SERPINB12: variants seen among roughly 807,000 people sequenced by gnomAD.
SERPINB12 encodes the protein serpin B12.
Under a neutral mutation model 41.1 loss-of-function variants are expected in SERPINB12, and 57 were observed. The ratio of observed to expected loss-of-function variants is 1.39; its 90% CI spans 1.12 to 1.73. SERPINB12 has a LOEUF of 1.73. Ranked by LOEUF, SERPINB12 falls within the 40% of genes most tolerant of loss-of-function variation. SERPINB12 has a pLI of 0.00. For missense variants in SERPINB12, 536 were observed against 501.9 expected (o/e 1.07, Z -0.65); for synonymous variants, 180 against 181.3 (o/e 0.99, Z 0.06).
At chr18:63,551,428 C>T (rs1404919931) in intron 1 of SERPINB12, among the ~76,000 whole-genome samples, 2 of 152,036 alleles carry the variant, frequency 1.3e-5, no homozygotes, top group African/African-American at 4.8e-5. Context: ...CAGGTTCAAG[C>T]GATTCTCCTG....
intron 2 of SERPINB12, 76 bp downstream of exon 2, chr18:63,556,403 A>C (rs915581417): frequency 7.1e-7 from 1 of 1,401,246 alleles, no homozygotes; most frequent in Admixed American, 2.1e-5. Context: ...AATCCCACTT[A>C]GGCAAGCCAA....
chr18:63,538,589 C>T (rs1163063992), upstream of SERPINB12, among the ~76,000 whole-genome samples: 1 of 152,110 alleles, frequency 6.6e-6, no homozygotes. Flanking sequence ...ATCCATTTGA[C>T]AGTTGATGGA....
chr18:63,559,900 G>C (rs1042919090), intron 4 of SERPINB12, among the ~76,000 whole-genome samples, 182 bp downstream of exon 4: 7 of 152,150 alleles, frequency 4.6e-5, no homozygotes, highest in Non-Finnish European at 8.8e-5. Flanking sequence ...TCTCTTCCCA[G>C]TGTTCAATGT....
the SERPINB12 span, among the ~76,000 whole-genome samples, chr18:63,521,779 C>T: frequency 2.6e-5 from 4 of 152,198 alleles, no homozygotes; most frequent in Non-Finnish European, 4.4e-5. Flanking sequence ...ATTAGGTGGT[C>T]TAGTGAAGTT....
chr18:63,527,284 G>C, the SERPINB12 span, among the ~76,000 whole-genome samples: 3 of 152,212 alleles, frequency 2.0e-5, no homozygotes, highest in Non-Finnish European at 2.9e-5. Flanking sequence ...ATGCTGGACA[G>C]AGATATATTA....
intron 7 of SERPINB12, among the ~76,000 whole-genome samples, 164 bp from the exon 8 acceptor site, chr18:63,566,443 T>C (rs901857468): frequency 6.6e-6 from 1 of 152,180 alleles, no homozygotes; most frequent in Non-Finnish European, 1.5e-5. Context: ...AGAGGAAAGA[T>C]ATTTGCTTGA....
chr18:63,557,700 G>C (rs1368165094), intron 2 of SERPINB12, among the ~76,000 whole-genome samples: 1 of 152,216 alleles, frequency 6.6e-6, no homozygotes, highest in East Asian at 1.9e-4. Context: ...GGCACCTGCT[G>C]ACCAAATGGG....
At chr18:63,534,289 A>AAAAAC in the SERPINB12 span, among the ~76,000 whole-genome samples, 17 of 152,286 alleles carry the variant, frequency 1.1e-4, no homozygotes, top group Middle Eastern at 3.4e-3. Context: ...CAACACATTA[A>AAAAAC]AAAACAAAAC....
chr18:63,536,101 G>A, the SERPINB12 span, among the ~76,000 whole-genome samples: 9 of 151,584 alleles, frequency 5.9e-5, no homozygotes, highest in Non-Finnish European at 8.8e-5. Flanking sequence ...TGGATAAATG[G>A]TATATATAGT....
chr18:63,565,166 G>A (rs1911051603), intron 6 of SERPINB12, among the ~76,000 whole-genome samples: 1 of 152,100 alleles, frequency 6.6e-6, no homozygotes, highest in Non-Finnish European at 1.5e-5. Context: ...CAGCCTAGGT[G>A]ACAGAGCAAG....
rs1911209588 is a variant in SERPINB12, at chr18:63,569,017, G to A, written c.*2006G>A. 6.6e-6 allele frequency among the ~76,000 whole-genome samples: 1 copy of A among 152,124 alleles called. No individual in the cohort carries two copies. The highest frequency in any genetic ancestry group is 1.5e-5 in the Non-Finnish European group (1 of 68,032). ...GTTCCTTTTGGGGTTGACGTTTTGG[G>A]GGCTGTTTCCATGTCTGACTTGGCA... On this transcript the variant is annotated 3_prime_UTR_variant, in exon 8 of 8. Transcript: ENST00000382768.
At chr18:63,541,276 A>G (rs1200134843), upstream of SERPINB12, among the ~76,000 whole-genome samples, 1 of 152,170 alleles carries the variant, frequency 6.6e-6, no homozygotes, top group Non-Finnish European at 1.5e-5. Flanking sequence ...TAACACCCAC[A>G]GCACCATAGG....
At chr18:63,535,938 A>T in the SERPINB12 span, among the ~76,000 whole-genome samples, 1 of 152,086 alleles carries the variant, frequency 6.6e-6, no homozygotes, top group African/African-American at 2.4e-5. Context: ...ATATATATGT[A>T]TTCAGAACTA....
At chr18:63,530,116 TCTGGGTGAC>T in the SERPINB12 span, among the ~76,000 whole-genome samples, 1 of 152,162 alleles carries the variant, frequency 6.6e-6, no homozygotes, top group East Asian at 1.9e-4. Context: ...TGGTAAATGA[TCTGGGTGAC>T]CTGGGTATGT....
intron 5 of SERPINB12, among the ~76,000 whole-genome samples, chr18:63,561,583 T>G (rs1353887822): frequency 1.3e-5 from 2 of 152,182 alleles, no homozygotes; most frequent in Non-Finnish European, 2.9e-5. Context: ...AAAAGACATA[T>G]GCACTCATAT....
intron 7 of SERPINB12, among the ~76,000 whole-genome samples, chr18:63,566,098 T>G (rs765996458): frequency 6.6e-6 from 1 of 152,132 alleles, no homozygotes; most frequent in Non-Finnish European, 1.5e-5. Flanking sequence ...CTACAGATTG[T>G]CCAGGGGGGT....
At chr18:63,519,608 T>C in the SERPINB12 span, among the ~76,000 whole-genome samples, 1 of 152,184 alleles carries the variant, frequency 6.6e-6, no homozygotes, top group African/African-American at 2.4e-5. Flanking sequence ...GGTGCATTAT[T>C]GCAATTAACT....
At chr18:63,526,105 A>C in the SERPINB12 span, among the ~76,000 whole-genome samples, 2 of 152,178 alleles carry the variant, frequency 1.3e-5, no homozygotes, top group Admixed American at 1.3e-4. Flanking sequence ...GGATCTTAAA[A>C]ACATTTGAGC....
upstream of SERPINB12, among the ~76,000 whole-genome samples, chr18:63,539,660 G>A (rs892296339): frequency 6.6e-6 from 1 of 151,956 alleles, no homozygotes; most frequent in African/African-American, 2.4e-5. Context: ...TTGTGGGCAC[G>A]TACACCAATG....
Sources: allele counts gnomAD v4.1 joint callset (sites outside exome capture counted in the v4.1 genomes callset), GRCh38; gene constraint gnomAD v4.1.1; transcripts MANE v1.5; gene names NCBI Gene and HGNC (gene_info 2026-07-23, HGNC 2026-07-21).